MPHOSPH10: variants seen among roughly 807,000 people sequenced by gnomAD.
MPHOSPH10 encodes M-phase phosphoprotein 10, also known as U3 small nucleolar ribonucleoprotein MPP10.
MPHOSPH10 carries 33 observed loss-of-function variants against 77.3 expected under a neutral mutation model. The ratio of observed to expected loss-of-function variants is 0.43; its 90% CI spans 0.32 to 0.57. The LOEUF is 0.57. Ranked by LOEUF, MPHOSPH10 falls within the 20% of genes least tolerant of loss-of-function variation. The probability of loss-of-function intolerance (pLI) is 0.07; values close to 1 mark genes in which losing one functional copy is unlikely to be tolerated. For missense variants in MPHOSPH10, 708 were observed against 780.1 expected (o/e 0.91, Z 1.10); for synonymous variants, 245 against 268.0 (o/e 0.91, Z 0.84).
At chr2:71,138,469 G>C in intron 4 of MPHOSPH10, 21 bp from the exon 5 acceptor site, 2 of 1,515,526 alleles carry the variant, frequency 1.3e-6, no homozygotes, top group Non-Finnish European at 1.8e-6. Flanking sequence ...ATGTATACTA[G>C]TTATTTTATC....
intron 1 of MPHOSPH10, 91 bp downstream of exon 1, chr2:71,130,845 G>A (rs62147278): frequency 9.9e-6 from 12 of 1,216,910 alleles, no homozygotes; most frequent in Non-Finnish European, 1.4e-5. Flanking sequence ...GCTGGGGGAA[G>A]GTAAGGGGAA....
intron 8 of MPHOSPH10, among the ~76,000 whole-genome samples, chr2:71,147,203 T>A (rs1673732163): frequency 6.6e-6 from 1 of 152,230 alleles, no homozygotes; most frequent in Non-Finnish European, 1.5e-5. Context: ...TTCCATATAC[T>A]TCTTAGAGCT....
rs773779857 is a variant in MPHOSPH10, at chr2:71,149,189, T to C, written c.1666-34T>C. 13 of 1,511,984 alleles carry C rather than the reference T, an allele frequency of 8.6e-6. No homozygotes were observed. The East Asian group carries it at 2.9e-4, about 34-fold the overall frequency. 93.7% of individuals were successfully genotyped at this position (1,511,984 alleles called of 1,614,324 possible). A position where few individuals can be genotyped will look rare whatever the true frequency, so the allele number is the denominator to read the frequency against. On this transcript the variant is annotated intron_variant, in intron 9 of 10. Coordinates refer to ENST00000244230, the MANE Select transcript of MPHOSPH10 (RefSeq NM_005791.3). ...CCAGTTTCCTAGTTGTTAAACTTGA[T>C]GAATGAATATGTTGGTGGTTATTTT...
rs180701691 is a variant in MPHOSPH10, at chr2:71,138,446, T to C, written c.1099-44T>C. 6.2e-4 allele frequency: 876 copies of C among 1,417,440 alleles called. 2 individuals are homozygous for C. In the African/African-American group the frequency reaches 0.011, roughly 17 times the overall value. 87.8% of individuals were successfully genotyped at this position (1,417,440 alleles called of 1,614,324 possible). A position where few individuals can be genotyped will look rare whatever the true frequency, so the allele number is the denominator to read the frequency against. ...TTTTTGCTTTTACACAAATATAAGATTTTATTTTCTAAATGTATACTAGTT... is the reference window on the plus strand; with the variant it reads ...TTTTTGCTTTTACACAAATATAAGACTTTATTTTCTAAATGTATACTAGTT... On this transcript the variant is annotated intron_variant, in intron 4 of 10. Transcript: ENST00000244230.
At chr2:71,141,876 G>A (rs1198638835) in intron 7 of MPHOSPH10, among the ~76,000 whole-genome samples, 1 of 151,758 alleles carries the variant, frequency 6.6e-6, no homozygotes. Flanking sequence ...CTAAAAATAC[G>A]AAAAAATTAG....
In MPHOSPH10 at chr2:71,149,225, G is replaced by A. The variant is rs1263741191; in HGVS notation, c.1668G>A (p.Glu556=). The A allele has an allele frequency of 1.3e-6, 2 of 1,544,276 alleles. No individual in the cohort carries two copies. Among genetic ancestry groups the A allele is most frequent in the East Asian group, 4.8e-5 (2 of 41,572 alleles). ...GTTGGTGGTTATTTTTTTAATAGGAGAAAAATAAAGCTGGAGATATAAAAA... is the reference window on the plus strand; with the variant it reads ...GTTGGTGGTTATTTTTTTAATAGGAAAAAAATAAAGCTGGAGATATAAAAA... The part of the protein sequence containing the change: ...AALLAPEEIK[E]KNKAGDIKTA... Residue 556 remains glutamate, a splice_region_variant and synonymous_variant, in exon 10 of 11, where the codon GAG becomes GAA. Transcript: ENST00000244230.
intron 5 of MPHOSPH10, 33 bp downstream of exon 5, chr2:71,138,664 G>GT (rs757484428): frequency 6.2e-7 from 1 of 1,613,648 alleles, no homozygotes; most frequent in South Asian, 1.1e-5. Context: ...TTTCATGTCT[G>GT]TGCTTTTTCC....
intron 1 of MPHOSPH10, 182 bp downstream of exon 1, chr2:71,130,936 T>C (rs1673364587): frequency 3.4e-6 from 2 of 595,758 alleles, no homozygotes; most frequent in Admixed American, 3.2e-5. Flanking sequence ...AAAATTTGTA[T>C]AGATGGATCT....
intron 7 of MPHOSPH10, among the ~76,000 whole-genome samples, chr2:71,142,002 A>T (rs927171987): frequency 3.9e-5 from 6 of 152,002 alleles, no homozygotes; most frequent in Non-Finnish European, 7.4e-5. Context: ...ACTGCTCTCC[A>T]GCCTGGGCGA....
intron 6 of MPHOSPH10, 131 bp downstream of exon 6, chr2:71,139,993 C>G: frequency 1.6e-6 from 1 of 636,328 alleles, no homozygotes; most frequent in South Asian, 1.9e-5. Flanking sequence ...ATCTAGGCTA[C>G]CTAGTCAGCT....
At chr2:71,138,678 G>C in intron 5 of MPHOSPH10, 47 bp downstream of exon 5, 1 of 1,611,838 alleles carries the variant, frequency 6.2e-7, no homozygotes, top group Non-Finnish European at 8.5e-7. Flanking sequence ...TTTTTCCATG[G>C]TTCCATTTCA....
chr2:71,133,941 A>G lies in MPHOSPH10; in HGVS notation c.769-7A>G. 6.6e-7 allele frequency: 1 copy of G among 1,515,310 alleles called. No homozygotes were observed. The highest frequency in any genetic ancestry group is 8.9e-7 in the Non-Finnish European group (1 of 1,119,436). The allele number at this position is 1,515,310 out of a possible 1,614,324, so 93.9% of individuals were successfully genotyped here. ...AATTAATAGTTTTTAATATCTTTTT[A>G]TTTTAGTCAGGTAAAAGTTCCAGAA... On this transcript the variant is annotated splice_region_variant and splice_polypyrimidine_tract_variant and intron_variant, in intron 2 of 10. Transcript: ENST00000244230.
chr2:71,144,039 A>G (rs1673660992), intron 7 of MPHOSPH10, among the ~76,000 whole-genome samples: 1 of 152,204 alleles, frequency 6.6e-6, no homozygotes, highest in Non-Finnish European at 1.5e-5. Context: ...GCATCATTTT[A>G]CATTCCTACC....
chr2:71,141,503 C>T, intron 7 of MPHOSPH10, 134 bp downstream of exon 7: 1 of 694,914 alleles, frequency 1.4e-6, no homozygotes, highest in Non-Finnish European at 2.1e-6. Flanking sequence ...TGAGACAGAG[C>T]ATGCTAGGAA....
In MPHOSPH10 at chr2:71,133,137, G is replaced by C; in HGVS notation, c.329G>C (p.Ser110Thr). Reference sequence around the variant, plus strand: ...GAAGATATCAGTCTTCTCCCAGAGAGTGAAGAACAGGAACGTGAAGAGGAT... The same window carrying C: ...GAAGATATCAGTCTTCTCCCAGAGACTGAAGAACAGGAACGTGAAGAGGAT... ...NDEDISLLPE[S>T]EEQEREEDGS... The change falls in exon 2 of 11, where the codon AGT becomes ACT. Residue 110 changes from serine (S) to threonine (T), a missense_variant. Around this residue, in one of 3 missense-constraint regions of MPHOSPH10, gnomAD observed 433 missense variants for 432.6 expected, o/e 1.00. Transcript: ENST00000244230. 6.2e-7 allele frequency: 1 copy of C among 1,614,154 alleles called. No homozygotes were observed. Among genetic ancestry groups the C allele is most frequent in the Middle Eastern group, 1.6e-4 (1 of 6,062 alleles).
chr2:71,134,840 C>A, intron 4 of MPHOSPH10, 43 bp downstream of exon 4: 1 of 1,397,874 alleles, frequency 7.2e-7, no homozygotes, highest in Non-Finnish European at 9.9e-7. Flanking sequence ...TTGATATTAA[C>A]CATCCTTTGA....
intron 6 of MPHOSPH10, among the ~76,000 whole-genome samples, chr2:71,140,847 A>G (rs551014142): frequency 7.2e-5 from 11 of 152,298 alleles, no homozygotes; most frequent in African/African-American, 2.6e-4. Flanking sequence ...ATGAAACATG[A>G]TAAACTAACT....
chr2:71,140,776 G>T (rs1404600214), intron 6 of MPHOSPH10, among the ~76,000 whole-genome samples: 1 of 152,080 alleles, frequency 6.6e-6, no homozygotes, highest in Non-Finnish European at 1.5e-5. Flanking sequence ...TACACTTGTG[G>T]GTCTAAAATA....
Position 71,149,269 on chromosome 2 carries a change from C to G in MPHOSPH10, c.1712C>G (p.Ala571Gly), listed in dbSNP as rs1298850380. The change falls in exon 10 of 11, where the codon GCT (alanine) becomes GGT (glycine). Residue 571 changes from alanine (A) to glycine (G), a missense_variant. Physicochemically the swap from Ala to Gly is moderately conservative, Grantham distance 60. This residue lies in a region of MPHOSPH10 where 263 missense variants were observed against 320.0 expected (regional missense o/e 0.82). Coordinates refer to ENST00000244230, the MANE Select transcript of MPHOSPH10 (RefSeq NM_005791.3). ...GDIKTAAEKT[A>G]TDKKRERRKK... ...ATAAAAACAGCTGCTGAAAAAACAG[C>G]TACAGACAAGAAACGAGAGCGAAGG... is the stretch of plus-strand genomic sequence containing the variant. 1 of 1,596,996 alleles carries G rather than the reference C, an allele frequency of 6.3e-7. No individual in the cohort carries two copies. The highest frequency in any genetic ancestry group is 1.3e-5 in the African/African-American group (1 of 74,170).
Sources: allele counts gnomAD v4.1 joint callset (sites outside exome capture counted in the v4.1 genomes callset), GRCh38; gene constraint gnomAD v4.1.1; regional missense constraint gnomAD v4.1.1; transcripts MANE v1.5; gene names NCBI Gene and HGNC (gene_info 2026-07-23, HGNC 2026-07-21).